The following ADGRB3 variants were observed in gnomAD, a reference collection of about 807,000 sequenced individuals.
The protein encoded by ADGRB3 is brain-specific angiogenesis inhibitor 3.
ADGRB3 carries 37 observed loss-of-function variants against 193.4 expected under a neutral mutation model. That is an observed-to-expected ratio of 0.19 (90% CI 0.15 to 0.25). ADGRB3 has a LOEUF of 0.25. Among genes scored for constraint, ADGRB3 ranks in the 10% least tolerant of loss-of-function variants. The pLI is 1.00. For synonymous variants in ADGRB3, 690 were observed against 644.2 expected, an observed-to-expected ratio of 1.07 and a Z score of -1.08; for missense variants, 1,637 against 1,852.9, an observed-to-expected ratio of 0.88 and a Z score of 2.14.
chr6:69,267,140 T>G (rs1767064272), intron 20 of ADGRB3, among the ~76,000 whole-genome samples: 1 of 152,132 alleles, frequency 6.6e-6, no homozygotes, highest in African/African-American at 2.4e-5. Flanking sequence ...TTTTTGTTTT[T>G]AACATTTGCA....
At chr6:68,715,548 A>G (rs540596418) in intron 3 of ADGRB3, among the ~76,000 whole-genome samples, 2 of 151,826 alleles carry the variant, frequency 1.3e-5, no homozygotes, top group South Asian at 4.1e-4. Context: ...GGTTTTTCTC[A>G]TTGCCTAGCT....
intron 17 of ADGRB3, among the ~76,000 whole-genome samples, chr6:69,176,188 T>G (rs1045644981): frequency 1.3e-5 from 2 of 152,164 alleles, no homozygotes; most frequent in Non-Finnish European, 2.9e-5. Flanking sequence ...ATAGGAGTGG[T>G]GAGAGTGGGC....
intron 3 of ADGRB3, among the ~76,000 whole-genome samples, chr6:68,714,515 G>C (rs939961836): frequency 6.6e-6 from 1 of 151,714 alleles, no homozygotes; most frequent in African/African-American, 2.4e-5. Context: ...AACACAGCTT[G>C]ATTGAATATT....
rs181529180 is a variant in ADGRB3, at chr6:69,237,484, A to G, written c.2712-1640A>G. On this transcript the variant is annotated intron_variant, in intron 19 of 31. Transcript: ENST00000370598. ...TGAAGCATGTCCTTGTCATCACTGT[A>G]TTAACATAAAGCATTCTTAAATTTT... Among the ~76,000 whole-genome samples the G allele has an allele frequency of 1.7e-4, 26 of 152,158 alleles. No homozygotes were observed. In the East Asian group the frequency reaches 5.0e-3, roughly 29 times the overall value.
At chr6:69,157,316 A>G (rs1024239060) in intron 17 of ADGRB3, among the ~76,000 whole-genome samples, 2 of 152,204 alleles carry the variant, frequency 1.3e-5, no homozygotes, top group African/African-American at 4.8e-5. Context: ...CCAAGAACCT[A>G]GGGACATAGG....
chr6:68,992,258 A>G (rs1427576279), intron 10 of ADGRB3, among the ~76,000 whole-genome samples: 2 of 152,190 alleles, frequency 1.3e-5, no homozygotes, highest in Non-Finnish European at 2.9e-5. Context: ...TAGAATATCT[A>G]TTGTGAAAAT....
At chr6:69,195,753 A>G (rs538891522) in intron 17 of ADGRB3, among the ~76,000 whole-genome samples, 34 of 152,278 alleles carry the variant, frequency 2.2e-4, no homozygotes, top group African/African-American at 8.2e-4. Flanking sequence ...CAGACTGAAC[A>G]AAGTCCTGGT....
chr6:68,785,582 G>A (rs1437464959), intron 3 of ADGRB3, among the ~76,000 whole-genome samples: 6 of 151,968 alleles, frequency 3.9e-5, no homozygotes, highest in African/African-American at 1.5e-4. Flanking sequence ...TTGGTTCCAA[G>A]TCTTTGCTAT....
chr6:68,940,587 A>G (rs1223321325), intron 5 of ADGRB3, among the ~76,000 whole-genome samples: 12 of 38,544 alleles, frequency 3.1e-4, no homozygotes, highest in African/African-American at 1.0e-3. Flanking sequence ...TATAGTTCTT[A>G]TATTCATTTA....
intron 17 of ADGRB3, among the ~76,000 whole-genome samples, chr6:69,159,980 T>C (rs1774941055): frequency 6.6e-6 from 1 of 152,162 alleles, no homozygotes; most frequent in Non-Finnish European, 1.5e-5. Context: ...TAGAAAATAC[T>C]ATCAGCTCTG....
rs1562129117 is a variant in ADGRB3, at chr6:69,031,116, C to CTCT, written c.2107+12618_2107+12620dup. Among the ~76,000 whole-genome samples the CTCT allele has an allele frequency of 1.7e-3, 86 of 49,408 alleles. 9 individuals are homozygous for CTCT. The highest frequency in any genetic ancestry group is 3.2e-3 in the South Asian group (6 of 1,902). 32.4% of individuals were successfully genotyped at this position (49,408 alleles called of 152,430 possible). ...CTTCTCTTCTCTTCTCTTCTCTTCT[C>CTCT]TCTCTTCTCTCTGTCTCTCTCTCTC... On this transcript the variant is annotated intron_variant, in intron 13 of 31. Transcript: ENST00000370598.
chr6:69,292,722 T>G (rs1348166087), intron 20 of ADGRB3, among the ~76,000 whole-genome samples: 1 of 152,112 alleles, frequency 6.6e-6, no homozygotes, highest in African/African-American at 2.4e-5. Flanking sequence ...TCTTTTTTTT[T>G]TTTATTATTA....
intron 8 of ADGRB3, 124 bp from the exon 9 acceptor site, chr6:68,974,639 A>G: frequency 1.4e-6 from 1 of 702,958 alleles, no homozygotes; most frequent in Non-Finnish European, 2.3e-6. Flanking sequence ...CATCTCTAAA[A>G]AAAAGAAAGA....
At chr6:68,870,713 C>A (rs1414931472) in intron 3 of ADGRB3, among the ~76,000 whole-genome samples, 1 of 152,176 alleles carries the variant, frequency 6.6e-6, no homozygotes, top group Admixed American at 6.5e-5. Flanking sequence ...TGATTCAGAG[C>A]AAGTTATTGA....
chr6:69,257,440 ATG>A (rs1766804674), intron 20 of ADGRB3, among the ~76,000 whole-genome samples: 1 of 152,174 alleles, frequency 6.6e-6, no homozygotes, highest in South Asian at 2.1e-4. Flanking sequence ...GGGAGAGTGT[ATG>A]TGTCAAGGAA....
intron 20 of ADGRB3, among the ~76,000 whole-genome samples, chr6:69,323,824 A>G (rs994530982): frequency 1.3e-5 from 2 of 152,102 alleles, no homozygotes; most frequent in Admixed American, 6.6e-5. Flanking sequence ...ATTTGGGCCA[A>G]AAAATTCTAG....
chr6:68,828,784 G>C (rs1284922835), intron 3 of ADGRB3, among the ~76,000 whole-genome samples: 1 of 152,142 alleles, frequency 6.6e-6, no homozygotes, highest in Non-Finnish European at 1.5e-5. Flanking sequence ...TCTGATTCTT[G>C]CTACCTGGGT....
intron 17 of ADGRB3, among the ~76,000 whole-genome samples, chr6:69,156,971 G>A (rs897081613): frequency 1.3e-5 from 2 of 152,188 alleles, no homozygotes; most frequent in Admixed American, 6.5e-5. Context: ...GCCTGAGCTT[G>A]CAAGTCAGAG....
In ADGRB3 at chr6:68,943,824, T is replaced by C. The variant is rs763936134; in HGVS notation, c.1031-6T>C. 1 of 1,597,960 alleles carries C rather than the reference T, an allele frequency of 6.3e-7. No homozygotes were observed. Reference sequence around the variant, plus strand: ...TTGTTGTTGAAGCTTCTTTGCTTTATTACAGTACACGGAGTATGGGAGGAA... The same window carrying C: ...TTGTTGTTGAAGCTTCTTTGCTTTACTACAGTACACGGAGTATGGGAGGAA... On this transcript the variant is annotated splice_polypyrimidine_tract_variant and splice_region_variant and intron_variant, in intron 5 of 31. Transcript: ENST00000370598.
Sources: allele counts gnomAD v4.1 joint callset (sites outside exome capture counted in the v4.1 genomes callset), GRCh38; gene constraint gnomAD v4.1.1; transcripts MANE v1.5; gene names NCBI Gene and HGNC (gene_info 2026-07-23, HGNC 2026-07-21).